KCNH7: variants seen among roughly 807,000 people sequenced by gnomAD.
KCNH7 encodes potassium voltage-gated channel subfamily H member 7.
KCNH7 carries 49 observed loss-of-function variants against 120.8 expected under a neutral mutation model. The ratio of observed to expected loss-of-function variants is 0.41; its 90% CI spans 0.32 to 0.51. KCNH7 has a LOEUF of 0.51. Ranked by LOEUF, KCNH7 falls within the 20% of genes least tolerant of loss-of-function variation. The pLI, the probability that KCNH7 is intolerant of heterozygous loss-of-function variation, is 0.38. For missense variants in KCNH7, 1,097 were observed against 1,446.6 expected (o/e 0.76, Z 3.92); for synonymous variants, 547 against 516.1 (o/e 1.06, Z -0.81).
Position 162,637,728 on chromosome 2 carries a change from AC to A in KCNH7, c.308-100649del, listed in dbSNP as rs377191510. 1.0e-3 allele frequency among the ~76,000 whole-genome samples: 154 copies of A among 152,172 alleles called. 2 individuals are homozygous for A. The highest frequency in any genetic ancestry group is 5.4e-3 in the South Asian group (26 of 4,820). ...AATATATACAATTTTGATTAAAAAA[AC>A]AAAACAAAGAAAATTGATGTGCTGA... is the stretch of plus-strand genomic sequence containing the variant. On this transcript the variant is annotated intron_variant, in intron 2 of 15. Coordinates refer to ENST00000332142, the MANE Select transcript of KCNH7 (RefSeq NM_033272.4).
chr2:162,820,209 T>TTGTGTGTG (rs71410049), intron 2 of KCNH7, among the ~76,000 whole-genome samples: 13,356 of 99,564 alleles, frequency 0.13, 1,148 homozygotes, highest in South Asian at 0.16. Context: ...CCGGCTAATT[T>TTGTGTGTG]TGTGTGTGTG....
At chr2:162,462,647 G>A (rs1035081956) in intron 6 of KCNH7, among the ~76,000 whole-genome samples, 2 of 151,980 alleles carry the variant, frequency 1.3e-5, no homozygotes, top group Non-Finnish European at 2.9e-5. Flanking sequence ...AGTCACAATA[G>A]TCACAATAAA....
intron 8 of KCNH7, among the ~76,000 whole-genome samples, chr2:162,425,285 A>G (rs1238681659): frequency 6.6e-6 from 1 of 151,966 alleles, no homozygotes; most frequent in Non-Finnish European, 1.5e-5. Flanking sequence ...ATATTCAAAC[A>G]TATATGTCTA....
chr2:162,617,672 G>A (rs935803792), intron 2 of KCNH7, among the ~76,000 whole-genome samples: 11 of 152,014 alleles, frequency 7.2e-5, no homozygotes, highest in Non-Finnish European at 1.2e-4. Flanking sequence ...AAATTGTTTG[G>A]AGAAAAATTG....
intron 2 of KCNH7, among the ~76,000 whole-genome samples, chr2:162,714,777 G>T (rs1687050722): frequency 6.6e-6 from 1 of 152,118 alleles, no homozygotes; most frequent in Admixed American, 6.6e-5. Flanking sequence ...CTGAAATTTA[G>T]ATTTTATATA....
chr2:162,395,449 C>T (rs1272236340), intron 11 of KCNH7, among the ~76,000 whole-genome samples: 1 of 151,696 alleles, frequency 6.6e-6, no homozygotes, highest in African/African-American at 2.4e-5. Context: ...CCAGATCCTC[C>T]TTCTTCCCTC....
At chr2:162,435,631 C>G in intron 7 of KCNH7, 34 bp from the exon 8 acceptor site, 2 of 1,529,306 alleles carry the variant, frequency 1.3e-6, no homozygotes, top group South Asian at 2.6e-5. Flanking sequence ...CAGAAACGGT[C>G]GGCAAACAAT....
intron 2 of KCNH7, among the ~76,000 whole-genome samples, chr2:162,561,226 T>C (rs2105879266): frequency 6.6e-6 from 1 of 152,290 alleles, no homozygotes; most frequent in East Asian, 1.9e-4. Flanking sequence ...ATGCTCCTTT[T>C]TTTCCTTTAA....
At chr2:162,554,446 G>A (rs1692789218) in intron 2 of KCNH7, among the ~76,000 whole-genome samples, 1 of 151,698 alleles carries the variant, frequency 6.6e-6, no homozygotes, top group Non-Finnish European at 1.5e-5. Context: ...CTAGTTTAAA[G>A]CCTGGCGTGT....
intron 2 of KCNH7, among the ~76,000 whole-genome samples, chr2:162,800,420 G>C (rs1353572014): frequency 6.6e-6 from 1 of 151,382 alleles, no homozygotes; most frequent in Non-Finnish European, 1.5e-5. Context: ...CATTTTTATT[G>C]AGTATACTAT....
intron 9 of KCNH7, among the ~76,000 whole-genome samples, chr2:162,419,366 C>T (rs998502295): frequency 3.3e-5 from 5 of 149,986 alleles, no homozygotes; most frequent in African/African-American, 1.2e-4. Context: ...GGGGGATAGG[C>T]AGCAAATAGG....
intron 2 of KCNH7, among the ~76,000 whole-genome samples, chr2:162,637,569 C>T (rs1254404320): frequency 2.6e-5 from 4 of 152,056 alleles, no homozygotes; most frequent in Non-Finnish European, 5.9e-5. Context: ...ATACTGTATA[C>T]TTAATAATGC....
At chr2:162,807,480 T>C (rs1559143218) in intron 2 of KCNH7, among the ~76,000 whole-genome samples, 1 of 151,656 alleles carries the variant, frequency 6.6e-6, no homozygotes, top group Non-Finnish European at 1.5e-5. Context: ...TCTAAAAATA[T>C]TTACCTCTAG....
chr2:162,630,359 T>C (rs567825623), intron 2 of KCNH7, among the ~76,000 whole-genome samples: 1 of 151,862 alleles, frequency 6.6e-6, no homozygotes, highest in African/African-American at 2.4e-5. Context: ...CTAGATGAGA[T>C]TATCTAGGAA....
At chr2:162,738,602 T>G (rs1346346745) in intron 2 of KCNH7, among the ~76,000 whole-genome samples, 2 of 152,134 alleles carry the variant, frequency 1.3e-5, no homozygotes. Flanking sequence ...TGGAACTGAG[T>G]TGATGCTGAT....
At chr2:162,791,902 A>T (rs1487742963) in intron 2 of KCNH7, among the ~76,000 whole-genome samples, 2 of 152,064 alleles carry the variant, frequency 1.3e-5, no homozygotes, top group East Asian at 3.9e-4. Context: ...ATTCAGTATG[A>T]TGCTGAATGT....
At chr2:162,567,952 A>G (rs1157298170) in intron 2 of KCNH7, among the ~76,000 whole-genome samples, 1 of 151,988 alleles carries the variant, frequency 6.6e-6, no homozygotes, top group Non-Finnish European at 1.5e-5. Context: ...AGTATGCAGA[A>G]GATGTATTAG....
At chr2:162,651,563 A>G (rs1247616884) in intron 2 of KCNH7, among the ~76,000 whole-genome samples, 3 of 152,134 alleles carry the variant, frequency 2.0e-5, no homozygotes, top group African/African-American at 7.2e-5. Context: ...ATAGTATTCC[A>G]TGGTGTATAT....
chr2:162,544,628 T>G (rs1453659780), intron 2 of KCNH7, among the ~76,000 whole-genome samples: 3 of 152,270 alleles, frequency 2.0e-5, no homozygotes, highest in South Asian at 4.1e-4. Context: ...AGGTGTATTC[T>G]AAGATATTTT....
Sources: gnomAD v4.1 joint callset for allele counts (sites outside exome capture counted in the v4.1 genomes callset) on GRCh38, gnomAD v4.1.1 for gene constraint, MANE v1.5 for transcripts, NCBI Gene and HGNC (gene_info 2026-07-23, HGNC 2026-07-21) for gene names.